The following COL4A5 variants were observed in gnomAD, a reference collection of about 807,000 sequenced individuals.
The protein encoded by COL4A5 is collagen type IV alpha 5 chain, also known as collagen alpha-5(IV) chain.
Under a neutral mutation model 130.2 loss-of-function variants are expected in COL4A5, and 26 were observed. The observed-to-expected ratio is 0.20, with a 90% CI of 0.15 to 0.28. The LOEUF is 0.28. Among genes scored for constraint, COL4A5 ranks in the 10% least tolerant of loss-of-function variants. COL4A5 has a pLI of 1.00. For synonymous variants in COL4A5, 496 were observed against 439.6 expected, an observed-to-expected ratio of 1.13 and a Z score of -1.60; for missense variants, 1,131 against 1,344.3, an observed-to-expected ratio of 0.84 and a Z score of 2.48.
intron 2 of COL4A5, among the ~76,000 whole-genome samples, chrX:108,552,944 T>C (rs2065773904): frequency 8.9e-6 from 1 of 112,227 alleles, no homozygotes; most frequent in African/African-American, 3.2e-5. Context: ...TGGGACATAA[T>C]AGAGACTCAC....
At chrX:108,565,726 G>A (rs976080703) in intron 4 of COL4A5, among the ~76,000 whole-genome samples, 6 of 111,624 alleles carry the variant, frequency 5.4e-5, no homozygotes, top group African/African-American at 2.0e-4. Context: ...TCTGAATTTG[G>A]CTGATTTGTT....
chrX:108,657,809 C>A lies in COL4A5; in HGVS notation c.3373+2352C>A, dbSNP rs369639731. On this transcript the variant is annotated intron_variant, in intron 37 of 52. Coordinates refer to ENST00000328300, the MANE Select transcript of COL4A5 (RefSeq NM_033380.3). ...CTTGGAAGTATATGGAAATAATTGA[C>A]CTAGGAATATTGAAATAATATATGA... Among the ~76,000 whole-genome samples the A allele has an allele frequency of 6.3e-5, 7 of 111,193 alleles. No individual in the cohort carries two copies. The East Asian group carries it at 1.1e-3, about 18-fold the overall frequency.
intron 2 of COL4A5, among the ~76,000 whole-genome samples, chrX:108,545,789 C>T (rs1351323226): frequency 1.8e-5 from 2 of 111,202 alleles, no homozygotes; most frequent in East Asian, 5.6e-4. Flanking sequence ...AATCTGGGTG[C>T]TCCTGTATTG....
intron 19 of COL4A5, among the ~76,000 whole-genome samples, chrX:108,588,780 A>AG (rs2066381040): frequency 9.0e-6 from 1 of 111,644 alleles, no homozygotes; most frequent in Admixed American, 9.5e-5. Context: ...TGAGAACAAA[A>AG]GGCCAATCAC....
chrX:108,659,734 A>C (rs1477633411), intron 37 of COL4A5, among the ~76,000 whole-genome samples: 1 of 111,017 alleles, frequency 9.0e-6, no homozygotes, highest in Non-Finnish European at 1.9e-5. Flanking sequence ...TACTTAGTAC[A>C]GTATAACTTT....
At chrX:108,483,131 C>G in intron 1 of COL4A5, among the ~76,000 whole-genome samples, 1 of 110,874 alleles carries the variant, frequency 9.0e-6, no homozygotes, top group Non-Finnish European at 1.9e-5. Context: ...ATATTCTGTT[C>G]CTCTAGAACC....
At position 108,444,114 on chromosome X, in the gene COL4A5, A is replaced by G. The variant is rs1603242800; in HGVS notation, c.81+3908A>G. Among the ~76,000 whole-genome samples, 6 of 111,216 alleles carry G rather than the reference A, an allele frequency of 5.4e-5. No homozygotes were observed. The Admixed American group carries it at 5.7e-4, about 11-fold the overall frequency. ...TTTTGCTGAAACCCAGATTTGGCCA[A>G]CAGGAGCCCCTTCAAATTGGCTCCT... On this transcript the variant is annotated intron_variant, in intron 1 of 52. Coordinates refer to ENST00000328300, the MANE Select transcript of COL4A5 (RefSeq NM_033380.3).
intron 2 of COL4A5, among the ~76,000 whole-genome samples, chrX:108,544,951 T>A (rs1319779311): frequency 8.9e-6 from 1 of 112,004 alleles, no homozygotes; most frequent in African/African-American, 3.2e-5. Flanking sequence ...GGATCGGTGG[T>A]GATATCTCCT....
intron 6 of COL4A5, 62 bp downstream of exon 6, chrX:108,568,883 A>G: frequency 2.1e-6 from 2 of 972,471 alleles, no homozygotes; most frequent in Non-Finnish European, 2.9e-6. Context: ...AAAAACCTAA[A>G]GAAATCAATA....
intron 27 of COL4A5, 28 bp from the exon 28 acceptor site, chrX:108,602,936 G>T: frequency 9.7e-7 from 1 of 1,035,004 alleles, no homozygotes; most frequent in Non-Finnish European, 1.3e-6. Context: ...TTCCTTTGGT[G>T]GTTAAAAAAT....
chrX:108,566,995 A>G (rs951174814), intron 4 of COL4A5, among the ~76,000 whole-genome samples: 3 of 111,767 alleles, frequency 2.7e-5, no homozygotes, highest in Non-Finnish European at 5.6e-5. Context: ...TGAGGTGAAA[A>G]TGTTCATTCC....
At chrX:108,643,628 T>C (rs2067513464) in intron 36 of COL4A5, among the ~76,000 whole-genome samples, 1 of 111,486 alleles carries the variant, frequency 9.0e-6, no homozygotes, top group Non-Finnish European at 1.9e-5. Flanking sequence ...CATCATATAT[T>C]AAGGAAAGAT....
At chrX:108,537,964 T>G (rs1201457461) in intron 1 of COL4A5, among the ~76,000 whole-genome samples, 1 of 112,089 alleles carries the variant, frequency 8.9e-6, no homozygotes, top group Non-Finnish European at 1.9e-5. Context: ...AAATTTATGT[T>G]TGCAGAAAAA....
chrX:108,534,171 A>G, intron 1 of COL4A5, among the ~76,000 whole-genome samples: 1 of 110,504 alleles, frequency 9.0e-6, no homozygotes, highest in East Asian at 2.9e-4. Context: ...AGAGAGAAAG[A>G]GAAAGAAAGA....
Position 108,696,376 on chromosome X carries a change from T to A in COL4A5, c.5074T>A (p.Ter1692LysextTer12), listed in dbSNP as rs2068734296. The change falls in exon 53 of 53, where the codon TAA becomes AAA. Residue 1692 changes from the stop codon to lysine (K), a stop_lost. Coordinates refer to ENST00000328300, the MANE Select transcript of COL4A5 (RefSeq NM_033380.3). ...SRCQVCMKRT[*>K] ...ATGTCAAGTGTGCATGAAGAGGACATAACATTTTGAAGAATTCCTTTTGTG... is the reference window on the plus strand; with the variant it reads ...ATGTCAAGTGTGCATGAAGAGGACAAAACATTTTGAAGAATTCCTTTTGTG... 8.4e-7 allele frequency: 1 copy of A among 1,197,408 alleles called. No individual in the cohort carries two copies. Among genetic ancestry groups the A allele is most frequent in the Non-Finnish European group, 1.1e-6 (1 of 882,682 alleles).
intron 25 of COL4A5, among the ~76,000 whole-genome samples, chrX:108,599,086 C>G (rs143000039): frequency 1.8e-5 from 2 of 111,096 alleles, no homozygotes; most frequent in Non-Finnish European, 3.8e-5. Context: ...TAATTTTGCT[C>G]TTTTTAAGTA....
At chrX:108,500,502 G>A (rs954593176) in intron 1 of COL4A5, among the ~76,000 whole-genome samples, 1 of 112,170 alleles carries the variant, frequency 8.9e-6, no homozygotes, top group Non-Finnish European at 1.9e-5. Context: ...GCTTGATAGG[G>A]GAAAGGGAGA....
intron 50 of COL4A5, among the ~76,000 whole-genome samples, 182 bp downstream of exon 50, chrX:108,693,107 C>G (rs898198923): frequency 1.8e-5 from 2 of 111,396 alleles, no homozygotes; most frequent in African/African-American, 6.5e-5. Context: ...TTTGACCAGG[C>G]CCCCATGATA....
intron 1 of COL4A5, among the ~76,000 whole-genome samples, chrX:108,500,654 G>GTC (rs772627191): frequency 4.9e-4 from 55 of 111,989 alleles, no homozygotes; most frequent in African/African-American, 1.7e-3. Context: ...ATTGCTCAAA[G>GTC]TCTCAAGAAA....
Sources: allele counts gnomAD v4.1 joint callset (sites outside exome capture counted in the v4.1 genomes callset), GRCh38; gene constraint gnomAD v4.1.1; transcripts MANE v1.5; gene names NCBI Gene and HGNC (gene_info 2026-07-23, HGNC 2026-07-21).